The following LDLRAP1 variants were observed in gnomAD, a reference collection of about 807,000 sequenced individuals.
LDLRAP1 encodes the protein low density lipoprotein receptor adapter protein 1.
In LDLRAP1, 30 loss-of-function variants were observed where a neutral mutation model predicts 37.8. The observed-to-expected ratio is 0.79, with a 90% CI of 0.59 to 1.08. LDLRAP1 has a LOEUF of 1.08. Ranked by LOEUF, LDLRAP1 falls within the 50% of genes least tolerant of loss-of-function variation. LDLRAP1 has a pLI of 0.00. For synonymous variants in LDLRAP1, 156 were observed against 169.8 expected, an observed-to-expected ratio of 0.92 and a Z score of 0.63; for missense variants, 375 against 401.6, an observed-to-expected ratio of 0.93 and a Z score of 0.57.
chr1:25,573,148 C>T (rs1354317428), downstream of LDLRAP1, among the ~76,000 whole-genome samples: 1 of 152,110 alleles, frequency 6.6e-6, no homozygotes, highest in Non-Finnish European at 1.5e-5. Context: ...AGGGGTAAGG[C>T]CCACCCAGGG....
At chr1:25,586,920 C>T in the LDLRAP1 span, among the ~76,000 whole-genome samples, 4 of 152,130 alleles carry the variant, frequency 2.6e-5, no homozygotes, top group Non-Finnish European at 5.9e-5. This position sits in a 1 kb window ranked among gnomAD's most constrained non-coding sequence, Gnocchi z 4.3. Context: ...CATGCTTAGC[C>T]ATGATCATAG....
At chr1:25,564,762 G>T in intron 7 of LDLRAP1, 1 of 187,600 alleles carries the variant, frequency 5.3e-6, no homozygotes, top group Non-Finnish European at 1.1e-5. Context: ...GTAAATGAAG[G>T]CAAGAAAACT....
At chr1:25,588,159 C>T in the LDLRAP1 span, among the ~76,000 whole-genome samples, 1 of 152,190 alleles carries the variant, frequency 6.6e-6, no homozygotes, top group Non-Finnish European at 1.5e-5. Context: ...GCCGCAGGGA[C>T]CTCTGCCTAG....
the LDLRAP1 span, among the ~76,000 whole-genome samples, chr1:25,576,878 T>C: frequency 6.6e-6 from 1 of 152,344 alleles, no homozygotes; most frequent in East Asian, 1.9e-4. Context: ...GGTGGCAGCG[T>C]GGTGCCATCA....
chr1:25,577,048 G>A, the LDLRAP1 span, among the ~76,000 whole-genome samples: 15 of 152,162 alleles, frequency 9.9e-5, no homozygotes, highest in Non-Finnish European at 1.8e-4. Flanking sequence ...CGTGGCAGTC[G>A]GTCCTAGCCC....
chr1:25,560,742 C>A (rs2044324105), intron 4 of LDLRAP1, among the ~76,000 whole-genome samples: 1 of 152,196 alleles, frequency 6.6e-6, no homozygotes, highest in Non-Finnish European at 1.5e-5. Context: ...TTCCTGGGAA[C>A]AAGGAATGTG....
At chr1:25,565,135 C>G in intron 7 of LDLRAP1, 38 bp from the exon 8 acceptor site, 1 of 1,612,444 alleles carries the variant, frequency 6.2e-7, no homozygotes, top group Non-Finnish European at 8.5e-7. Flanking sequence ...TGGGCTCCCC[C>G]AAACATAGTT....
chr1:25,584,067 G>A, the LDLRAP1 span, among the ~76,000 whole-genome samples: 9 of 152,100 alleles, frequency 5.9e-5, no homozygotes, highest in Admixed American at 3.3e-4. Flanking sequence ...CACCCAGACC[G>A]TGCTCCTGTC....
At position 25,551,723 on chromosome 1, in the gene LDLRAP1, T is replaced by C. The variant is rs556394067; in HGVS notation, c.89-2199T>C. On this transcript the variant is annotated intron_variant, in intron 1 of 8. Transcript: ENST00000374338. Reference sequence around the variant, plus strand: ...GTTGATGGGACAGAGGATAAGGTCATGTTGGGCTTTGGGGTCATCTCAGTG... The same window carrying C: ...GTTGATGGGACAGAGGATAAGGTCACGTTGGGCTTTGGGGTCATCTCAGTG... Among the ~76,000 whole-genome samples, 3 of 152,154 alleles carry C rather than the reference T, an allele frequency of 2.0e-5. No individual in the cohort carries two copies. The South Asian group carries it at 6.2e-4, about 32-fold the overall frequency.
chr1:25,563,113 C>T lies in LDLRAP1; in HGVS notation c.576C>T (p.Val192=). The T allele has an allele frequency of 6.2e-7, 1 of 1,614,064 alleles. No homozygotes were observed. Among genetic ancestry groups the T allele is most frequent in the Non-Finnish European group, 8.5e-7 (1 of 1,179,996 alleles). The part of the protein sequence containing the change: ...RDKASQEGGD[V]LGARQDCTPS... The stretch of plus-strand genomic sequence containing the variant: ...AAGCCAGCCAAGAGGGAGGGGACGT[C>T]CTGGGGGCCCGCCAAGACTGCACCC... The change falls in exon 6 of 9, where the codon GTC becomes GTT. Residue 192 remains valine (V), a synonymous_variant. Coordinates refer to ENST00000374338, the MANE Select transcript of LDLRAP1 (RefSeq NM_015627.3).
At chr1:25,547,494 A>T (rs2043963819) in intron 1 of LDLRAP1, among the ~76,000 whole-genome samples, 1 of 145,770 alleles carries the variant, frequency 6.9e-6, no homozygotes, top group Admixed American at 6.7e-5. Context: ...AATAATAAAT[A>T]AATAAATAAA....
At chr1:25,546,789 G>A (rs1285363228) in intron 1 of LDLRAP1, among the ~76,000 whole-genome samples, 1 of 151,918 alleles carries the variant, frequency 6.6e-6, no homozygotes, top group Non-Finnish European at 1.5e-5. Context: ...AAATGAATGT[G>A]GCCCAACACA....
At chr1:25,566,571 C>G in intron 8 of LDLRAP1, among the ~76,000 whole-genome samples, 1 of 145,804 alleles carries the variant, frequency 6.9e-6, no homozygotes, top group South Asian at 2.4e-4. Context: ...AGCCCCTTCT[C>G]CTCTTTCCTG....
intron 8 of LDLRAP1, 31 bp downstream of exon 8, chr1:25,565,238 G>T: frequency 1.2e-6 from 2 of 1,613,636 alleles, no homozygotes. Flanking sequence ...TGGGTAGGGG[G>T]CCTGGTGTGC....
the LDLRAP1 span, among the ~76,000 whole-genome samples, chr1:25,575,700 G>C: frequency 2.0e-5 from 3 of 152,170 alleles, no homozygotes; most frequent in Admixed American, 6.5e-5. Flanking sequence ...AGGCGGGACC[G>C]GCGTCTTGGG....
At chr1:25,557,374 C>G (rs1303148307) in intron 4 of LDLRAP1, 107 bp downstream of exon 4, 3 of 851,944 alleles carry the variant, frequency 3.5e-6, no homozygotes, top group Non-Finnish European at 3.9e-6. Flanking sequence ...GTGACCATTA[C>G]TTAAGAAGAG....
chr1:25,561,056 C>T (rs1203075431), intron 4 of LDLRAP1, among the ~76,000 whole-genome samples: 1 of 152,274 alleles, frequency 6.6e-6, no homozygotes, highest in Non-Finnish European at 1.5e-5. Context: ...ATTTATGCAA[C>T]TACAGTCTAA....
the LDLRAP1 span, among the ~76,000 whole-genome samples, chr1:25,582,337 A>G: frequency 1.3e-5 from 2 of 152,260 alleles, no homozygotes; most frequent in African/African-American, 4.8e-5. Flanking sequence ...CTGTAATCCC[A>G]GCACTTTGGG....
At chr1:25,558,664 G>A (rs1405711733) in intron 4 of LDLRAP1, among the ~76,000 whole-genome samples, 3 of 152,038 alleles carry the variant, frequency 2.0e-5, no homozygotes, top group Non-Finnish European at 4.4e-5. Context: ...TGATTTCATC[G>A]TCACATTGCT....
Sources: allele counts gnomAD v4.1 joint callset (sites outside exome capture counted in the v4.1 genomes callset), GRCh38; gene constraint gnomAD v4.1.1; non-coding constraint Gnocchi (gnomAD v3.1); transcripts MANE v1.5; gene names NCBI Gene and HGNC (gene_info 2026-07-23, HGNC 2026-07-21).